The following EPHA6 variants were observed in gnomAD, a reference collection of about 807,000 sequenced individuals.
EPHA6 encodes the protein EPH receptor A6.
Under a neutral mutation model 112.0 loss-of-function variants are expected in EPHA6, and 50 were observed. The ratio of observed to expected loss-of-function variants is 0.45; its 90% CI spans 0.36 to 0.56. EPHA6 has a LOEUF of 0.56. EPHA6 is among the 20% of genes least tolerant of loss of function. EPHA6 has a pLI of 0.00. For synonymous variants in EPHA6, 529 were observed against 490.7 expected (o/e 1.08, Z -1.03); for missense variants, 1,280 against 1,417.4 (o/e 0.90, Z 1.56).
At chr3:97,699,123 G>C (rs1006788309) in intron 14 of EPHA6, among the ~76,000 whole-genome samples, 2 of 152,046 alleles carry the variant, frequency 1.3e-5, no homozygotes, top group African/African-American at 2.4e-5. Context: ...AGACGAGCAG[G>C]GTTCAGAAAC....
intron 5 of EPHA6, among the ~76,000 whole-genome samples, chr3:97,357,494 G>A (rs1044395712): frequency 6.6e-6 from 1 of 152,084 alleles, no homozygotes; most frequent in Non-Finnish European, 1.5e-5. Context: ...GAGCCACTGT[G>A]CCCAACTAGA....
At chr3:96,861,235 A>G (rs961471261) in intron 1 of EPHA6, among the ~76,000 whole-genome samples, 1 of 152,134 alleles carries the variant, frequency 6.6e-6, no homozygotes, top group Non-Finnish European at 1.5e-5. Flanking sequence ...TTAATCAACT[A>G]TTAACCATTC....
At chr3:97,623,199 T>G (rs1024289015) in intron 13 of EPHA6, among the ~76,000 whole-genome samples, 6 of 151,790 alleles carry the variant, frequency 4.0e-5, no homozygotes, top group African/African-American at 1.4e-4. Context: ...TATGAAGGTT[T>G]TGCACTGTGT....
intron 10 of EPHA6, among the ~76,000 whole-genome samples, chr3:97,512,732 T>C (rs2092387038): frequency 6.6e-6 from 1 of 152,112 alleles, no homozygotes; most frequent in South Asian, 2.1e-4. Context: ...ACCCGGCTAA[T>C]TTTTGTATTT....
intron 5 of EPHA6, among the ~76,000 whole-genome samples, chr3:97,403,306 C>T (rs2109117853): frequency 1.3e-5 from 2 of 152,120 alleles, no homozygotes; most frequent in Middle Eastern, 3.4e-3. Context: ...TTATTTAATT[C>T]TAATATCCCA....
chr3:97,550,307 T>C (rs2093012194), intron 11 of EPHA6, among the ~76,000 whole-genome samples: 1 of 152,246 alleles, frequency 6.6e-6, no homozygotes, highest in African/African-American at 2.4e-5. Context: ...CCAGTCCCTC[T>C]TCCAAGATGC....
At chr3:97,422,417 T>C (rs2088741331) in intron 6 of EPHA6, among the ~76,000 whole-genome samples, 1 of 152,128 alleles carries the variant, frequency 6.6e-6, no homozygotes, top group Non-Finnish European at 1.5e-5. Flanking sequence ...TATCAAAATA[T>C]ATACACCCCC....
intron 1 of EPHA6, among the ~76,000 whole-genome samples, chr3:96,821,655 CA>C (rs1445499260): frequency 6.6e-6 from 1 of 151,550 alleles, no homozygotes; most frequent in Admixed American, 6.6e-5. Flanking sequence ...TTTGTTTTCT[CA>C]AAATCAAATT....
intron 5 of EPHA6, among the ~76,000 whole-genome samples, chr3:97,403,145 T>C (rs1029537621): frequency 2.0e-5 from 3 of 152,102 alleles, no homozygotes; most frequent in African/African-American, 7.2e-5. Context: ...ACATAGTTAC[T>C]CATTTGCTTC....
chr3:97,323,464 G>A (rs1007695270), intron 5 of EPHA6, among the ~76,000 whole-genome samples: 1 of 151,818 alleles, frequency 6.6e-6, no homozygotes, highest in East Asian at 1.9e-4. Context: ...GGGGGGATGG[G>A]TGGATACCTC....
chr3:97,349,389 G>A (rs1414937834), intron 5 of EPHA6, among the ~76,000 whole-genome samples: 4 of 151,968 alleles, frequency 2.6e-5, no homozygotes, highest in Non-Finnish European at 5.9e-5. Flanking sequence ...ATATACTTAT[G>A]TTTCTCTTCA....
At chr3:97,012,311 G>T (rs577850910) in intron 3 of EPHA6, among the ~76,000 whole-genome samples, 1 of 151,086 alleles carries the variant, frequency 6.6e-6, no homozygotes, top group Non-Finnish European at 1.5e-5. Context: ...AGCCTCACCA[G>T]CATCTGTTTT....
At chr3:97,171,102 C>T (rs1005305259) in intron 3 of EPHA6, among the ~76,000 whole-genome samples, 1 of 151,944 alleles carries the variant, frequency 6.6e-6, no homozygotes, top group African/African-American at 2.4e-5. Context: ...TTAGAGAAAA[C>T]GAGACAATTA....
rs146866653 is a variant in EPHA6 at position 97,342,885 on chromosome 3, G to A, written c.1607-62265G>A. ...AAATGTTTATTGTTTAAGCCACCCA[G>A]TATATAGTATTTTGTGACAGCAGCC... On this transcript the variant is annotated intron_variant, in intron 5 of 17. Coordinates refer to ENST00000389672, the MANE Select transcript of EPHA6 (RefSeq NM_001080448.3). Among the ~76,000 whole-genome samples, 682 of 152,278 alleles carry A rather than the reference G, an allele frequency of 4.5e-3. 5 individuals are homozygous for A. Among genetic ancestry groups the A allele is most frequent in the African/African-American group, 0.015 (641 of 41,562 alleles).
At chr3:97,405,378 T>G in intron 6 of EPHA6, 104 bp downstream of exon 6, 2 of 1,041,380 alleles carry the variant, frequency 1.9e-6, no homozygotes, top group Non-Finnish European at 2.7e-6. Context: ...AACCCTGTTC[T>G]TCTTTGGCCT....
intron 3 of EPHA6, among the ~76,000 whole-genome samples, chr3:97,199,355 G>A (rs1235416275): frequency 6.6e-6 from 1 of 152,104 alleles, no homozygotes; most frequent in Non-Finnish European, 1.5e-5. Context: ...TGCATATAAT[G>A]TAATAATACT....
intron 11 of EPHA6, among the ~76,000 whole-genome samples, chr3:97,545,637 G>A (rs1051497049): frequency 6.6e-6 from 1 of 152,032 alleles, no homozygotes; most frequent in African/African-American, 2.4e-5. Flanking sequence ...TTTCTGTCTC[G>A]TTTATCTGTC....
At chr3:97,272,254 G>A (rs149549060) in intron 5 of EPHA6, among the ~76,000 whole-genome samples, 30 of 152,130 alleles carry the variant, frequency 2.0e-4, no homozygotes, top group African/African-American at 7.0e-4. Flanking sequence ...TGTTACTAAT[G>A]GCAGCATCTC....
At chr3:97,308,515 A>G (rs1168727083) in intron 5 of EPHA6, among the ~76,000 whole-genome samples, 2 of 151,690 alleles carry the variant, frequency 1.3e-5, no homozygotes, top group Non-Finnish European at 1.5e-5. Context: ...TCACATATCT[A>G]TTCTCTTTGT....
Sources: allele counts gnomAD v4.1 joint callset (sites outside exome capture counted in the v4.1 genomes callset), GRCh38; gene constraint gnomAD v4.1.1; transcripts MANE v1.5; gene names NCBI Gene and HGNC (gene_info 2026-07-23, HGNC 2026-07-21).